Variants in CADM1 observed in about 807,000 individuals in gnomAD.
CADM1 encodes cell adhesion molecule 1.
A neutral mutation model predicts 53.1 loss-of-function variants in CADM1; 15 were observed. That is an observed-to-expected ratio of 0.28 (90% CI 0.19 to 0.44). The LOEUF (loss-of-function observed/expected upper bound fraction) is 0.44, where lower values mean the gene tolerates loss of function less well. CADM1 is among the 20% of genes least tolerant of loss of function. CADM1 has a pLI of 1.00. For synonymous variants in CADM1, 281 were observed against 243.0 expected, an observed-to-expected ratio of 1.16 and a Z score of -1.45; for missense variants, 434 against 611.3, an observed-to-expected ratio of 0.71 and a Z score of 3.06.
chr11:115,265,677 C>A (rs1364615714), intron 1 of CADM1, among the ~76,000 whole-genome samples: 1 of 152,182 alleles, frequency 6.6e-6, no homozygotes, highest in Non-Finnish European at 1.5e-5. Context: ...ACCAGTAGTT[C>A]ACTGGGTTAA....
chr11:115,376,422 G>T (rs1186558863), intron 1 of CADM1, among the ~76,000 whole-genome samples: 1 of 152,012 alleles, frequency 6.6e-6, no homozygotes, highest in Non-Finnish European at 1.5e-5. Flanking sequence ...AAGATTAGAG[G>T]ATGTTTCTAC....
chr11:115,281,310 A>T (rs1943577949), intron 1 of CADM1, among the ~76,000 whole-genome samples: 1 of 152,212 alleles, frequency 6.6e-6, no homozygotes, highest in South Asian at 2.1e-4. Flanking sequence ...CAATAAAAAT[A>T]ATAAATCATG....
At chr11:115,362,982 G>A (rs1946068210) in intron 1 of CADM1, among the ~76,000 whole-genome samples, 1 of 152,158 alleles carries the variant, frequency 6.6e-6, no homozygotes, top group African/African-American at 2.4e-5. Flanking sequence ...CAAAGCTGTT[G>A]TTATCTGCTA....
chr11:115,387,788 G>C lies in CADM1; in HGVS notation c.124+116483C>G, dbSNP rs377256361. On this transcript the variant is annotated intron_variant, in intron 1 of 11. Coordinates refer to ENST00000331581, the MANE Select transcript of CADM1 (RefSeq NM_001301043.2). Reference sequence around the variant, plus strand: ...TGTGCTTGTGTATGCACACATGCATGTGTGTGTATATTATTTTTCCTGTCT... The same window carrying C: ...TGTGCTTGTGTATGCACACATGCATCTGTGTGTATATTATTTTTCCTGTCT... 7.9e-5 allele frequency among the ~76,000 whole-genome samples: 12 copies of C among 152,128 alleles called. No individual in the cohort carries two copies. In the East Asian group the frequency reaches 2.1e-3, roughly 27 times the overall value.
At chr11:115,301,648 A>C (rs1173211665) in intron 1 of CADM1, among the ~76,000 whole-genome samples, 1 of 152,040 alleles carries the variant, frequency 6.6e-6, no homozygotes, top group African/African-American at 2.4e-5. Context: ...ACAGTGCATA[A>C]AAGCTGGAAT....
At chr11:115,210,676 C>T (rs896315804) in intron 7 of CADM1, among the ~76,000 whole-genome samples, 1 of 152,200 alleles carries the variant, frequency 6.6e-6, no homozygotes, top group Non-Finnish European at 1.5e-5. Context: ...CTTTTTCTCC[C>T]TGACACATCT....
At chr11:115,320,675 G>A (rs912459931) in intron 1 of CADM1, among the ~76,000 whole-genome samples, 9 of 151,554 alleles carry the variant, frequency 5.9e-5, no homozygotes, top group Non-Finnish European at 1.2e-4. Flanking sequence ...TCCTGAAGTT[G>A]GTGGGAATCC....
chr11:115,233,715 T>TAA (rs113851991), intron 3 of CADM1, among the ~76,000 whole-genome samples: 1 of 142,988 alleles, frequency 7.0e-6, no homozygotes, highest in Non-Finnish European at 1.5e-5. Flanking sequence ...GGAATGAAAG[T>TAA]AAAAAAAAAA....
chr11:115,475,244 A>T (rs868346664), intron 1 of CADM1, among the ~76,000 whole-genome samples: 2 of 152,230 alleles, frequency 1.3e-5, no homozygotes, highest in Non-Finnish European at 2.9e-5. Context: ...TTTTATTTGT[A>T]TCATTTTTTA....
chr11:115,497,049 C>G (rs1949634468), intron 1 of CADM1, among the ~76,000 whole-genome samples: 1 of 152,190 alleles, frequency 6.6e-6, no homozygotes, highest in African/African-American at 2.4e-5. Flanking sequence ...GACGGCATAA[C>G]TCAATTCCAA....
intron 1 of CADM1, among the ~76,000 whole-genome samples, chr11:115,352,473 C>T (rs1392960828): frequency 2.0e-5 from 3 of 152,168 alleles, no homozygotes; most frequent in Admixed American, 6.5e-5. Flanking sequence ...ATATAACTGT[C>T]ACAGGCTATG....
intron 1 of CADM1, among the ~76,000 whole-genome samples, chr11:115,381,639 T>C (rs75138658): frequency 0.037 from 5,656 of 152,244 alleles, 129 homozygotes; most frequent in Middle Eastern, 0.078. Flanking sequence ...TCGGTTGTTA[T>C]AGGGATTAAA....
intron 1 of CADM1, among the ~76,000 whole-genome samples, chr11:115,335,202 C>A (rs1453701102): frequency 1.3e-5 from 2 of 152,094 alleles, no homozygotes; most frequent in Admixed American, 1.3e-4. Flanking sequence ...ACTTTAAACT[C>A]TTAAAAATAA....
At chr11:115,399,094 A>G (rs923551652) in intron 1 of CADM1, 1 of 152,180 alleles carries the variant, frequency 6.6e-6, no homozygotes, top group Non-Finnish European at 1.5e-5. Flanking sequence ...TATTACACCT[A>G]TTGAGTAAAT....
At chr11:115,400,466 C>T (rs995501586) in intron 1 of CADM1, among the ~76,000 whole-genome samples, 3 of 150,274 alleles carry the variant, frequency 2.0e-5, no homozygotes, top group African/African-American at 4.9e-5. Context: ...ATTTGGACAA[C>T]TGGACAGCCA....
rs138731936 is a variant in CADM1 at position 115,417,008 on chromosome 11, CAG to C, written c.124+87261_124+87262del. On this transcript the variant is annotated intron_variant, in intron 1 of 11. Transcript: ENST00000331581. ...GAGATGAATATTTATTAAATGTAAA[CAG>C]AGATTTTATGATAATTCAATATGGA... 2.2e-4 allele frequency among the ~76,000 whole-genome samples: 33 copies of C among 152,080 alleles called. No homozygotes were observed. The East Asian group carries it at 3.9e-3, about 18-fold the overall frequency.
intron 1 of CADM1, among the ~76,000 whole-genome samples, chr11:115,342,477 C>G (rs1361549084): frequency 6.6e-6 from 1 of 152,090 alleles, no homozygotes; most frequent in Admixed American, 6.6e-5. Flanking sequence ...AGCTCCTTAC[C>G]GGTCTCTAAG....
intron 1 of CADM1, among the ~76,000 whole-genome samples, chr11:115,302,663 G>A (rs746602475): frequency 2.6e-5 from 4 of 152,022 alleles, no homozygotes; most frequent in Non-Finnish European, 5.9e-5. Context: ...TATTGATATA[G>A]TTTTTGCTAC....
At chr11:115,333,362 A>C (rs190440635) in intron 1 of CADM1, among the ~76,000 whole-genome samples, 3 of 152,162 alleles carry the variant, frequency 2.0e-5, no homozygotes, top group African/African-American at 7.2e-5. Context: ...TCGAGAGAGA[A>C]AGAGAGAGAA....
Sources: gnomAD v4.1 joint callset for allele counts (sites outside exome capture counted in the v4.1 genomes callset) on GRCh38, gnomAD v4.1.1 for gene constraint, MANE v1.5 for transcripts, NCBI Gene and HGNC (gene_info 2026-07-23, HGNC 2026-07-21) for gene names.